The following PLCH2 variants were observed in gnomAD, a reference collection of about 807,000 sequenced individuals.
PLCH2 encodes the protein 1-phosphatidylinositol 4,5-bisphosphate phosphodiesterase eta-2.
In PLCH2, 98 loss-of-function variants were observed where a neutral mutation model predicts 134.7. That is an observed-to-expected ratio of 0.73 (90% confidence interval 0.62 to 0.86). PLCH2 has a LOEUF of 0.86. Ranked by LOEUF, PLCH2 falls within the 40% of genes least tolerant of loss-of-function variation. The pLI is 0.00. For missense variants in PLCH2, 1,994 were observed against 1,986.6 expected, an observed-to-expected ratio of 1.00 and a Z score of -0.07; for synonymous variants, 974 against 827.5, an observed-to-expected ratio of 1.18 and a Z score of -3.04.
intron 8 of PLCH2, among the ~76,000 whole-genome samples, 189 bp downstream of exon 8, chr1:2,487,907 T>TATC (rs1490554779): frequency 1.3e-5 from 2 of 152,152 alleles, no homozygotes; most frequent in African/African-American, 4.8e-5. Context: ...GCCGCAGGTC[T>TATC]AGGCAGGGGC....
chr1:2,476,892 C>G (rs1237135423), intron 1 of PLCH2, among the ~76,000 whole-genome samples, 180 bp downstream of exon 1: 1 of 152,160 alleles, frequency 6.6e-6, no homozygotes, highest in Non-Finnish European at 1.5e-5. Context: ...CTGGCCCTGC[C>G]CCTCAGCCGC....
At chr1:2,430,112 G>T (rs1046008684) in intron 1 of PLCH2, among the ~76,000 whole-genome samples, 5 of 152,290 alleles carry the variant, frequency 3.3e-5, no homozygotes, top group African/African-American at 9.6e-5. Context: ...GGGTCCTGTG[G>T]CTCTCCTCCC....
rs577694021 is a variant in PLCH2, at chr1:2,439,308, G to T, written c.115+8679G>T. 2.9e-3 allele frequency among the ~76,000 whole-genome samples: 446 copies of T among 152,264 alleles called. 3 individuals carry two copies. The highest frequency in any genetic ancestry group is 9.6e-3 in the African/African-American group (397 of 41,556). On this transcript the variant is annotated intron_variant, in intron 2 of 3. Coordinates refer to the PLCH2 transcript ENST00000609981. This position sits in a 1 kb window ranked among gnomAD's most constrained non-coding sequence, Gnocchi z 4.7. ...GCCCATGCAGCAAGGTGCCTGGGGG[G>T]TCTCAGAGCAGGAGGCTCAGCCCTG...
At chr1:2,419,970 C>T in the PLCH2 span, among the ~76,000 whole-genome samples, 13 of 151,044 alleles carry the variant, frequency 8.6e-5, no homozygotes, top group African/African-American at 3.2e-4. Flanking sequence ...AGTCCCCCCC[C>T]CACCCCCAGG....
upstream of PLCH2, among the ~76,000 whole-genome samples, chr1:2,421,045 A>G (rs971037787): frequency 5.3e-5 from 8 of 151,450 alleles, no homozygotes; most frequent in Admixed American, 2.0e-4. Context: ...CCCGGGTTCA[A>G]TCGATTTTCC....
intron 2 of PLCH2, among the ~76,000 whole-genome samples, chr1:2,458,974 G>T (rs986976165): frequency 6.6e-6 from 1 of 152,266 alleles, no homozygotes; most frequent in Non-Finnish European, 1.5e-5. Flanking sequence ...GGCCACGCCG[G>T]TCTTGCAGCG....
rs2100684189 is a variant in PLCH2 at position 2,487,729 on chromosome 1, G to T, written c.1235+11G>T. 1.9e-6 allele frequency: 3 copies of T among 1,611,014 alleles called. No individual in the cohort carries two copies. The highest frequency in any genetic ancestry group is 4.5e-5 in the East Asian group (2 of 44,878). On this transcript the variant is annotated intron_variant, in intron 8 of 21. Coordinates refer to ENST00000378486, the MANE Select transcript of PLCH2 (RefSeq NM_014638.4). ...CTTCATCAAGAATGAGTGAGTGGCT[G>T]GGCCTAGCGGGGCTGGCCCCAGAGG...
intron 11 of PLCH2, among the ~76,000 whole-genome samples, chr1:2,491,719 C>T (rs958158063): frequency 7.2e-5 from 11 of 152,210 alleles, no homozygotes; most frequent in African/African-American, 2.2e-4. Flanking sequence ...CAGGGTGGGC[C>T]GGGTCCTGCG....
chr1:2,478,692 G>T (rs1432532725), intron 2 of PLCH2, 70 bp downstream of exon 2: 21 of 1,463,670 alleles, frequency 1.4e-5, no homozygotes, highest in Non-Finnish European at 2.0e-5. Context: ...GACCCTCCCA[G>T]GGCAGCCACT....
chr1:2,458,094 A>G (rs923785951), intron 2 of PLCH2, among the ~76,000 whole-genome samples: 1 of 152,066 alleles, frequency 6.6e-6, no homozygotes, highest in African/African-American at 2.4e-5. Flanking sequence ...GGGGTGGGCC[A>G]TGCCGTCACT....
At chr1:2,501,154 T>C (rs1264260258) in intron 20 of PLCH2, 1 of 152,060 alleles carries the variant, frequency 6.6e-6, no homozygotes, top group Non-Finnish European at 1.5e-5. Flanking sequence ...ATTCAAGTGC[T>C]GGCCATCTGA....
chr1:2,487,458 A>G, intron 7 of PLCH2, 82 bp downstream of exon 7: 1 of 1,478,396 alleles, frequency 6.8e-7, no homozygotes, highest in Non-Finnish European at 9.2e-7. Context: ...CCCCGGGGGG[A>G]TCTCTGGGCA....
chr1:2,482,074 G>A (rs1405795497), intron 4 of PLCH2, among the ~76,000 whole-genome samples: 2 of 152,270 alleles, frequency 1.3e-5, no homozygotes, highest in Non-Finnish European at 2.9e-5. Context: ...GGCGGGCACC[G>A]AGGCAGGCTC....
chr1:2,502,545 C>T (rs1394740877), intron 21 of PLCH2, 136 bp downstream of exon 21: 1 of 968,590 alleles, frequency 1.0e-6, no homozygotes, highest in Non-Finnish European at 1.6e-6. Context: ...GGCGTGAACA[C>T]CGGGGGCCTG....
chr1:2,460,326 C>T (rs549802338), intron 2 of PLCH2, among the ~76,000 whole-genome samples: 1 of 152,264 alleles, frequency 6.6e-6, no homozygotes, highest in Non-Finnish European at 1.5e-5. Context: ...GGGTGCGGGG[C>T]CTACCTCTGG....
At position 2,496,697 on chromosome 1, in the gene PLCH2, G is replaced by A; in HGVS notation, c.1926G>A (p.Glu642=). The A allele has an allele frequency of 3.1e-6, 5 of 1,611,868 alleles. No individual in the cohort carries two copies. The highest frequency in any genetic ancestry group is 1.1e-5 in the South Asian group (1 of 90,934). The change falls in exon 14 of 22, where the codon GAG becomes GAA. Residue 642 remains glutamate (E), a synonymous_variant. Coordinates refer to ENST00000378486, the MANE Select transcript of PLCH2 (RefSeq NM_014638.4). The part of the protein sequence containing the change: ...YTKSVATHDI[E]MEAASSWQVS... ...AGTCCGTGGCCACCCACGACATAGA[G>A]ATGGAGGGTGAGTGGCTCGGGGACC...
At position 2,502,576 on chromosome 1, in the gene PLCH2, C is replaced by T. The variant is rs1290758065; in HGVS notation, c.2959+167C>T. The stretch of plus-strand genomic sequence containing the variant: ...GCCTGCAGAGGGAGCGGCCACCCAG[C>T]CCGGGGCCTGCAAGCAGGCAGGCAG... On this transcript the variant is annotated intron_variant, in intron 21 of 21. Coordinates refer to ENST00000378486, the MANE Select transcript of PLCH2 (RefSeq NM_014638.4). The T allele has an allele frequency of 1.5e-5, 12 of 775,430 alleles. No homozygotes were observed. In the East Asian group the frequency reaches 3.2e-4, roughly 21 times the overall value. The allele number at this position is 775,430 out of a possible 1,614,324, so 48.0% of individuals were successfully genotyped here.
Position 2,448,950 on chromosome 1 carries a change from C to T in PLCH2, c.115+18321C>T, listed in dbSNP as rs2100549314. Among the ~76,000 whole-genome samples, 1 of 152,320 alleles carries T rather than the reference C, an allele frequency of 6.6e-6. No individual in the cohort carries two copies. The highest frequency in any genetic ancestry group is 2.4e-5 in the African/African-American group (1 of 41,578). ...CGTTTCGTCAAACTGTTGTACGTGG[C>T]TCCTTTGCTGGCGCGGGGAAAGGGC... is the stretch of plus-strand genomic sequence containing the variant. On this transcript the variant is annotated intron_variant, in intron 2 of 3. Transcript: ENST00000609981. The surrounding 1 kb of genome is among the most constrained non-coding windows in gnomAD (Gnocchi z 4.0).
At chr1:2,497,103 C>T (rs1642937221) in intron 15 of PLCH2, 93 bp downstream of exon 15, 1 of 1,285,342 alleles carries the variant, frequency 7.8e-7, no homozygotes, top group Non-Finnish European at 1.1e-6. Context: ...CCCGCTGGGG[C>T]CTCGGTTCTG....
Sources: gnomAD v4.1 joint callset for allele counts (sites outside exome capture counted in the v4.1 genomes callset) on GRCh38, gnomAD v4.1.1 for gene constraint, Gnocchi (gnomAD v3.1) non-coding constraint, MANE v1.5 for transcripts, NCBI Gene and HGNC (gene_info 2026-07-23, HGNC 2026-07-21) for gene names.